DHTKD1: variants seen among roughly 807,000 people sequenced by gnomAD.
The protein encoded by DHTKD1 is dehydrogenase E1 and transketolase domain containing 1.
DHTKD1 carries 78 observed loss-of-function variants against 101.8 expected under a neutral mutation model. That is an observed-to-expected ratio of 0.77 (90% confidence interval 0.64 to 0.93). The LOEUF is 0.93. Ranked by LOEUF, DHTKD1 falls within the 40% of genes least tolerant of loss-of-function variation. The pLI is 0.00. For synonymous variants in DHTKD1, 462 were observed against 450.3 expected, an observed-to-expected ratio of 1.03 and a Z score of -0.33; for missense variants, 1,223 against 1,161.7, an observed-to-expected ratio of 1.05 and a Z score of -0.77.
intron 2 of DHTKD1, among the ~76,000 whole-genome samples, chr10:12,082,210 A>G (rs1191900756): frequency 6.6e-6 from 1 of 152,170 alleles, no homozygotes; most frequent in Admixed American, 6.6e-5. Flanking sequence ...TCACTCCCAA[A>G]AGTAGTTATT....
intron 1 of DHTKD1, among the ~76,000 whole-genome samples, chr10:12,072,496 T>C (rs1365409467): frequency 2.1e-5 from 3 of 143,824 alleles, no homozygotes; most frequent in African/African-American, 7.8e-5. Context: ...AATAAATAAA[T>C]AAATAAATAC....
Position 12,100,287 on chromosome 10 carries a change from G to GCTTTTTTTTTTTT in DHTKD1, c.1756+25_1756+26insCTTTTTTTTTTTT, listed in dbSNP as rs774056019. ...GGTAAGAATTTTCTTTTTTTTTTCT[G>GCTTTTTTTTTTTT]TTTTTTTTTTTTTTGAGTCTCACCC... On this transcript the variant is annotated intron_variant, in intron 9 of 16. Coordinates refer to ENST00000263035, the MANE Select transcript of DHTKD1 (RefSeq NM_018706.7). 1.6e-3 allele frequency: 428 copies of GCTTTTTTTTTTTT among 272,210 alleles called. 28 individuals are homozygous for GCTTTTTTTTTTTT. Among genetic ancestry groups the GCTTTTTTTTTTTT allele is most frequent in the African/African-American group, 0.015 (405 of 27,664 alleles). The allele number at this position is 272,210 out of a possible 1,614,324, so 16.9% of individuals were successfully genotyped here. A position where few individuals can be genotyped will look rare whatever the true frequency, so the allele number is the denominator to read the frequency against.
chr10:12,082,302 C>T (rs1377207909), intron 2 of DHTKD1, among the ~76,000 whole-genome samples: 1 of 152,070 alleles, frequency 6.6e-6, no homozygotes, highest in Non-Finnish European at 1.5e-5. Context: ...GGGTGAAATC[C>T]AGGGCTACTT....
At chr10:12,114,162 A>C (rs918834957) in intron 13 of DHTKD1, among the ~76,000 whole-genome samples, 1 of 151,966 alleles carries the variant, frequency 6.6e-6, no homozygotes, top group Non-Finnish European at 1.5e-5. Flanking sequence ...TTAAGTGTAC[A>C]TTGTTTTTCA....
chr10:12,112,736 G>A (rs1444057528), intron 12 of DHTKD1, among the ~76,000 whole-genome samples, 164 bp from the exon 13 acceptor site: 1 of 152,100 alleles, frequency 6.6e-6, no homozygotes, highest in East Asian at 1.9e-4. Context: ...GGTTAATACC[G>A]CACCGTTCAT....
rs1020171710 is a variant in DHTKD1, at chr10:12,110,154, C to T, written c.2154+2139C>T. 1.8e-4 allele frequency among the ~76,000 whole-genome samples: 27 copies of T among 152,038 alleles called. No homozygotes were observed. Among genetic ancestry groups the T allele is most frequent in the African/African-American group, 5.6e-4 (23 of 41,406 alleles). Reference sequence around the variant, plus strand: ...TCTACTAAAAATACAAAAAATTAGCCGGGCACGGTGGCAGGCACCTGTAGT... The same window carrying T: ...TCTACTAAAAATACAAAAAATTAGCTGGGCACGGTGGCAGGCACCTGTAGT... On this transcript the variant is annotated intron_variant, in intron 12 of 16. Coordinates refer to ENST00000263035, the MANE Select transcript of DHTKD1 (RefSeq NM_018706.7). The surrounding 1 kb of genome is among the most constrained non-coding windows in gnomAD (Gnocchi z 4.9).
In DHTKD1 at chr10:12,122,720, A is replaced by C. The variant is rs1287606707; in HGVS notation, c.*1832A>C. The stretch of plus-strand genomic sequence containing the variant: ...CACCAGGTGCTTGGGGATTTCTTAG[A>C]GATCACCAACCGACTCCCTCACTGT... On this transcript the variant is annotated 3_prime_UTR_variant, in exon 17 of 17. Transcript: ENST00000263035. The C allele has an allele frequency of 6.6e-6, 1 of 152,222 alleles. No homozygotes were observed. The highest frequency in any genetic ancestry group is 1.9e-4 in the East Asian group (1 of 5,200). The allele number at this position is 152,222 out of a possible 1,614,324, so 9.4% of individuals were successfully genotyped here.
At chr10:12,117,582 T>A in intron 13 of DHTKD1, 91 bp from the exon 14 acceptor site, 1 of 795,518 alleles carries the variant, frequency 1.3e-6, no homozygotes, top group Non-Finnish European at 2.2e-6. Context: ...AGGCTAGAAC[T>A]TTGGTACTCG....
intron 1 of DHTKD1, among the ~76,000 whole-genome samples, chr10:12,071,317 A>G (rs1832646915): frequency 6.6e-6 from 1 of 152,164 alleles, no homozygotes; most frequent in Non-Finnish European, 1.5e-5. Flanking sequence ...GGGTGGCCAT[A>G]TACTGGGCTC....
chr10:12,087,194 C>T lies in DHTKD1; in HGVS notation c.523-341C>T, dbSNP rs150570198. 3.7e-3 allele frequency among the ~76,000 whole-genome samples: 556 copies of T among 152,204 alleles called. 4 individuals are homozygous for T. Among genetic ancestry groups the T allele is most frequent in the African/African-American group, 0.013 (528 of 41,526 alleles). On this transcript the variant is annotated intron_variant, in intron 3 of 16. Transcript: ENST00000263035. The surrounding 1 kb of genome is among the most constrained non-coding windows in gnomAD (Gnocchi z 5.2). ...GGATAGTTTGCAGCCTTGATTCATA[C>T]CGTAGAGCCCCGTGTGAAAACTGGG...
At chr10:12,083,643 A>G (rs1233624001) in intron 2 of DHTKD1, among the ~76,000 whole-genome samples, 2 of 152,066 alleles carry the variant, frequency 1.3e-5, no homozygotes, top group Admixed American at 6.6e-5. Flanking sequence ...CTGAGGCAGG[A>G]GAATCACTTG....
intron 1 of DHTKD1, among the ~76,000 whole-genome samples, chr10:12,080,803 A>G (rs1241124156): frequency 6.6e-6 from 1 of 152,002 alleles, no homozygotes; most frequent in South Asian, 2.1e-4. Flanking sequence ...AAATTGTAAA[A>G]ATGTGTTTCT....
At chr10:12,070,717 G>T (rs1198515589) in intron 1 of DHTKD1, among the ~76,000 whole-genome samples, 1 of 152,136 alleles carries the variant, frequency 6.6e-6, no homozygotes, top group Admixed American at 6.6e-5. Context: ...TTGAACTCCC[G>T]ACCTGAAGTG....
rs1455833457 is a variant in DHTKD1 at position 12,094,081 on chromosome 10, G to A, written c.1168G>A (p.Val390Met). Residue 390 changes from valine to methionine, a missense_variant, in exon 7 of 17, where the codon GTG becomes ATG. By Grantham distance (21) the Val-to-Met change is conservative. Transcript: ENST00000263035. ...SLYCSDIGKL[V>M]GCAIIHVNGD... ...GGTCTTCTGTCCTTCAGGGAAGCTT[G>A]TGGGCTGTGCCATCATCCATGTCAA... The A allele has an allele frequency of 1.9e-6, 3 of 1,613,904 alleles. No individual in the cohort carries two copies. The South Asian group carries it at 3.3e-5, about 18-fold the overall frequency.
chr10:12,106,449 G>C, intron 11 of DHTKD1, 53 bp downstream of exon 11: 1 of 1,601,410 alleles, frequency 6.2e-7, no homozygotes, highest in South Asian at 1.1e-5. Flanking sequence ...CGTGGCCCCA[G>C]CCTCGTGGGG....
At chr10:12,106,497 TC>T in intron 11 of DHTKD1, 101 bp downstream of exon 11, 1 of 1,470,260 alleles carries the variant, frequency 6.8e-7, no homozygotes, top group Non-Finnish European at 9.4e-7. Context: ...GCCTTGAGAC[TC>T]CCGTGTGCGG....
intron 1 of DHTKD1, among the ~76,000 whole-genome samples, chr10:12,071,818 G>A (rs1476432781): frequency 2.0e-5 from 3 of 152,170 alleles, no homozygotes; most frequent in Admixed American, 6.5e-5. Context: ...GCGAGCCACC[G>A]TGTCCAGCCC....
At chr10:12,111,759 C>A (rs1241215944) in intron 12 of DHTKD1, among the ~76,000 whole-genome samples, 2 of 151,818 alleles carry the variant, frequency 1.3e-5, no homozygotes, top group Non-Finnish European at 2.9e-5. Context: ...AGGAGGAGGT[C>A]CTGAGTTTAA....
Position 12,087,720 on chromosome 10 carries a change from C to A in DHTKD1, c.708C>A (p.Phe236Leu). 1 of 1,600,158 alleles carries A rather than the reference C, an allele frequency of 6.2e-7. No individual in the cohort carries two copies. Among genetic ancestry groups the A allele is most frequent in the Non-Finnish European group, 8.5e-7 (1 of 1,172,778 alleles). The change falls in exon 4 of 17, where the codon TTC (phenylalanine) becomes TTA (leucine). Residue 236 changes from phenylalanine (F) to leucine (L), a missense_variant. By Grantham distance (22) the Phe-to-Leu change is conservative (BLOSUM62 0). Transcript: ENST00000263035. This position sits in a 1 kb window ranked among gnomAD's most constrained non-coding sequence, Gnocchi z 5.2. Reference protein sequence around the residue: ...RLNLLTGLLQFPPELMFRKMR... With the variant: ...RLNLLTGLLQLPPELMFRKMR... ...ATTTATTGACAGGCCTTCTGCAGTT[C>A]CCTCCAGAGGTAAGGTTACTCGCTG...
Sources: allele counts gnomAD v4.1 joint callset (sites outside exome capture counted in the v4.1 genomes callset), GRCh38; gene constraint gnomAD v4.1.1; non-coding constraint Gnocchi (gnomAD v3.1); transcripts MANE v1.5; gene names NCBI Gene and HGNC (gene_info 2026-07-23, HGNC 2026-07-21).